Variants in GID4 observed in about 807,000 individuals in gnomAD.
The protein encoded by GID4 is GID complex subunit 4 homolog.
A neutral mutation model predicts 32.4 loss-of-function variants in GID4; 7 were observed. That is an observed-to-expected ratio of 0.22 (90% CI 0.12 to 0.41). GID4 has a LOEUF of 0.41. GID4 is among the 10% of genes least tolerant of loss of function. The pLI, the probability that GID4 is intolerant of heterozygous loss-of-function variation, is 1.00. For missense variants in GID4, 309 were observed against 400.0 expected, an observed-to-expected ratio of 0.77 and a Z score of 1.94; for synonymous variants, 166 against 170.0, an observed-to-expected ratio of 0.98 and a Z score of 0.18.
chr17:18,062,801 C>G (rs1427741674), intron 5 of GID4, among the ~76,000 whole-genome samples: 1 of 152,166 alleles, frequency 6.6e-6, no homozygotes. Context: ...GCTGGCCGGG[C>G]ACAGTGGCTC....
At position 18,065,729 on chromosome 17, in the gene GID4, G is replaced by C. The variant is rs2045055955; in HGVS notation, c.*486G>C. 1 of 195,816 alleles carries C rather than the reference G, an allele frequency of 5.1e-6. No individual in the cohort carries two copies. The highest frequency in any genetic ancestry group is 2.4e-5 in the African/African-American group (1 of 42,198). 12.1% of individuals were successfully genotyped at this position (195,816 alleles called of 1,614,324 possible). ...CCCCCAGAGCTCTGTGCAGGGAGTT[G>C]GCCAGCTGCCGCATCATCGGCCACC... On this transcript the variant is annotated 3_prime_UTR_variant, in exon 6 of 6. Coordinates refer to ENST00000268719, the MANE Select transcript of GID4 (RefSeq NM_024052.5).
chr17:18,061,875 A>G lies in GID4; in HGVS notation c.739A>G (p.Lys247Glu). The G allele has an allele frequency of 1.9e-6, 3 of 1,614,106 alleles. No homozygotes were observed. Among genetic ancestry groups the G allele is most frequent in the Non-Finnish European group, 2.5e-6 (3 of 1,180,000 alleles). Reference sequence around the variant, plus strand: ...GTTTCTGGTCCCAGATCACACGATCAAAGACATCAGTGGTGCTTCTTTTGC... The same window carrying G: ...GTTTCTGGTCCCAGATCACACGATCGAAGACATCAGTGGTGCTTCTTTTGC... The part of the protein sequence containing the change: ...EQFLVPDHTI[K>E]DISGASFAGF... The change falls in exon 5 of 6, where the codon AAA becomes GAA. Residue 247 changes from lysine to glutamate, a missense_variant. Transcript: ENST00000268719. This position sits in a 1 kb window ranked among gnomAD's most constrained non-coding sequence, Gnocchi z 4.4.
At chr17:18,051,600 G>A (rs568193752) in intron 2 of GID4, among the ~76,000 whole-genome samples, 3 of 151,976 alleles carry the variant, frequency 2.0e-5, no homozygotes, top group South Asian at 2.1e-4. Flanking sequence ...GCTTGAACCC[G>A]GGAGGCGGAG....
At chr17:18,048,102 C>T (rs149503843) in intron 2 of GID4, among the ~76,000 whole-genome samples, 3,383 of 151,776 alleles carry the variant, frequency 0.022, 139 homozygotes, top group African/African-American at 0.077. Context: ...GGGGTTTCAC[C>T]GTGTTAGCCA....
intron 5 of GID4, among the ~76,000 whole-genome samples, chr17:18,063,658 T>C (rs2045036449): frequency 6.6e-6 from 1 of 152,256 alleles, no homozygotes; most frequent in Admixed American, 6.5e-5. Flanking sequence ...TTTTTTCACT[T>C]AGCATAATGC....
chr17:18,060,821 CG>C (rs1295802865), intron 4 of GID4, among the ~76,000 whole-genome samples: 1 of 152,146 alleles, frequency 6.6e-6, no homozygotes, highest in Non-Finnish European at 1.5e-5. Context: ...GCAACCTCCC[CG>C]TCCCGTGTTC....
chr17:18,064,248 TC>T (rs2045041049), intron 5 of GID4, among the ~76,000 whole-genome samples: 1 of 152,128 alleles, frequency 6.6e-6, no homozygotes, highest in Non-Finnish European at 1.5e-5. Context: ...CCAAACTGTT[TC>T]CCACAGCAGC....
At chr17:18,054,617 G>A (rs973045224) in intron 3 of GID4, among the ~76,000 whole-genome samples, 3 of 152,098 alleles carry the variant, frequency 2.0e-5, no homozygotes, top group African/African-American at 7.2e-5. Flanking sequence ...CTCCGGCTTC[G>A]GGGCTGGCAT....
intron 3 of GID4, among the ~76,000 whole-genome samples, chr17:18,058,535 C>T (rs1037903513): frequency 2.0e-5 from 3 of 152,100 alleles, no homozygotes; most frequent in Admixed American, 1.3e-4. Context: ...TTGCAGAGGT[C>T]TTCTCATTAA....
At chr17:18,044,013 C>T (rs1433855245) in intron 1 of GID4, among the ~76,000 whole-genome samples, 1 of 152,156 alleles carries the variant, frequency 6.6e-6, no homozygotes, top group Non-Finnish European at 1.5e-5. Flanking sequence ...CAGAGGCCTA[C>T]GATGGGCCCA....
chr17:18,057,779 AC>A (rs1236731646), intron 3 of GID4, among the ~76,000 whole-genome samples: 2 of 151,996 alleles, frequency 1.3e-5, no homozygotes, highest in African/African-American at 4.8e-5. Flanking sequence ...TGTGGATTCA[AC>A]CAGCCACAGT....
chr17:18,042,550 A>G (rs990574484), intron 1 of GID4, among the ~76,000 whole-genome samples: 3 of 152,246 alleles, frequency 2.0e-5, no homozygotes, highest in Non-Finnish European at 2.9e-5. Context: ...CATTTTGTTT[A>G]TACAGTGATC....
At chr17:18,051,569 G>A (rs747423201) in intron 2 of GID4, among the ~76,000 whole-genome samples, 5 of 151,924 alleles carry the variant, frequency 3.3e-5, no homozygotes, top group Non-Finnish European at 5.9e-5. Flanking sequence ...CCAGCTACTC[G>A]GGAGGCTGAG....
intron 3 of GID4, chr17:18,056,603 C>A: frequency 1.9e-5 from 23 of 1,222,248 alleles, no homozygotes; most frequent in Middle Eastern, 2.3e-4. Context: ...CTGCAAAAAG[C>A]AAAGTCTTTG....
At position 18,061,070 on chromosome 17, in the gene GID4, A is replaced by G. The variant is rs1455439580; in HGVS notation, c.709-775A>G. 6.6e-6 allele frequency among the ~76,000 whole-genome samples: 1 copy of G among 152,224 alleles called. No homozygotes were observed. The highest frequency in any genetic ancestry group is 1.5e-5 in the Non-Finnish European group (1 of 68,040). ...AATTAATTTTAAAAGCCACAATTTT[A>G]GAAGTTGAATAAGGAATGGGAGGGT... On this transcript the variant is annotated intron_variant, in intron 4 of 5. Coordinates refer to ENST00000268719, the MANE Select transcript of GID4 (RefSeq NM_024052.5). The surrounding 1 kb of genome is among the most constrained non-coding windows in gnomAD (Gnocchi z 4.4).
At chr17:18,044,271 A>T (rs2044830965) in intron 1 of GID4, among the ~76,000 whole-genome samples, 1 of 152,156 alleles carries the variant, frequency 6.6e-6, no homozygotes, top group Non-Finnish European at 1.5e-5. Context: ...TTGCAAGGGG[A>T]TAGGGACACC....
chr17:18,065,567 T>C lies in GID4; in HGVS notation c.*324T>C. 1 of 339,950 alleles carries C rather than the reference T, an allele frequency of 2.9e-6. No individual in the cohort carries two copies. Among genetic ancestry groups the C allele is most frequent in the South Asian group, 2.6e-5 (1 of 38,986 alleles). The allele number at this position is 339,950 out of a possible 1,614,324, so 21.1% of individuals were successfully genotyped here. On this transcript the variant is annotated 3_prime_UTR_variant, in exon 6 of 6. Coordinates refer to ENST00000268719, the MANE Select transcript of GID4 (RefSeq NM_024052.5). The stretch of plus-strand genomic sequence containing the variant: ...TGCCCATTCCTTCCTCCGTCCCACC[T>C]CCAGCCGAATAGAAGGTCTGCTCCC...
chr17:18,045,908 AAAG>A (rs970509832), intron 2 of GID4, among the ~76,000 whole-genome samples: 8 of 148,500 alleles, frequency 5.4e-5, no homozygotes, highest in Non-Finnish European at 1.0e-4. Flanking sequence ...AAAAAAAAAG[AAAG>A]AAAAAAAAGG....
At chr17:18,047,493 C>T (rs2044865913) in intron 2 of GID4, among the ~76,000 whole-genome samples, 1 of 152,250 alleles carries the variant, frequency 6.6e-6, no homozygotes, top group Non-Finnish European at 1.5e-5. Context: ...TGGCATTGAG[C>T]TCTCCATCGG....
Sources: gnomAD v4.1 joint callset for allele counts (sites outside exome capture counted in the v4.1 genomes callset) on GRCh38, gnomAD v4.1.1 for gene constraint, Gnocchi (gnomAD v3.1) non-coding constraint, MANE v1.5 for transcripts, NCBI Gene and HGNC (gene_info 2026-07-23, HGNC 2026-07-21) for gene names.